Variants in FUT8 observed in about 807,000 individuals in gnomAD.
FUT8 encodes the protein alpha-(1,6)-fucosyltransferase.
Under a neutral mutation model 71.3 loss-of-function variants are expected in FUT8, and 29 were observed. The observed-to-expected ratio is 0.41, with a 90% CI of 0.30 to 0.55. The LOEUF is 0.55. FUT8 is among the 20% of genes least tolerant of loss of function. The probability of loss-of-function intolerance (pLI) is 0.34; values close to 1 mark genes in which losing one functional copy is unlikely to be tolerated. For synonymous variants in FUT8, 254 were observed against 239.3 expected (o/e 1.06, Z -0.57); for missense variants, 544 against 702.1 (o/e 0.77, Z 2.55).
intron 1 of FUT8, among the ~76,000 whole-genome samples, chr14:65,442,310 G>A (rs533524766): frequency 5.9e-5 from 9 of 151,830 alleles, no homozygotes; most frequent in Middle Eastern, 6.8e-3. Flanking sequence ...TGAGTAGCTG[G>A]GATTACAAGC....
At chr14:65,585,162 G>A (rs1262700747) in intron 3 of FUT8, among the ~76,000 whole-genome samples, 1 of 151,896 alleles carries the variant, frequency 6.6e-6, no homozygotes, top group Non-Finnish European at 1.5e-5. Flanking sequence ...CAGAATGATT[G>A]ATTTCTATAT....
intron 3 of FUT8, among the ~76,000 whole-genome samples, chr14:65,587,789 G>C (rs866184528): frequency 2.6e-5 from 4 of 152,288 alleles, no homozygotes; most frequent in South Asian, 4.1e-4. Context: ...CCATGTATTA[G>C]TTGTGTGGTT....
intron 5 of FUT8, 76 bp from the exon 6 acceptor site, chr14:65,629,416 A>C: frequency 1.2e-6 from 1 of 843,982 alleles, no homozygotes; most frequent in East Asian, 2.5e-5. Context: ...GGAATCTGGC[A>C]TTCTTCTTAA....
chr14:65,408,284 C>G (rs146610094), upstream of FUT8, among the ~76,000 whole-genome samples: 2 of 152,178 alleles, frequency 1.3e-5, no homozygotes, highest in Non-Finnish European at 2.9e-5. Flanking sequence ...TAAGGACTTA[C>G]GCTGGCCATG....
chr14:65,698,620 G>A (rs1033852907), intron 7 of FUT8, among the ~76,000 whole-genome samples: 6 of 152,092 alleles, frequency 3.9e-5, no homozygotes, highest in Non-Finnish European at 8.8e-5. Context: ...GTTTTGCATC[G>A]TAAAGTAATA....
intron 2 of FUT8, among the ~76,000 whole-genome samples, chr14:65,524,165 G>C (rs1236697907): frequency 3.3e-5 from 5 of 152,216 alleles, no homozygotes; most frequent in Admixed American, 2.0e-4. Context: ...CCCTTGGGCA[G>C]TATGGCCATT....
rs2066159546 is a variant in FUT8 at position 65,472,299 on chromosome 14, A to G, written c.-228+16581A>G. Among the ~76,000 whole-genome samples the G allele has an allele frequency of 6.6e-6, 1 of 152,108 alleles. No individual in the cohort carries two copies. The highest frequency in any genetic ancestry group is 2.1e-4 in the South Asian group (1 of 4,826). The stretch of plus-strand genomic sequence containing the variant: ...TAACAACCAGCTCTTGGGGGAACAA[A>G]TAGAGTGAGACCTCAAGCATGCCTG... On this transcript the variant is annotated intron_variant, in intron 2 of 10. Transcript: ENST00000673929. This position sits in a 1 kb window ranked among gnomAD's most constrained non-coding sequence, Gnocchi z 4.4.
At chr14:65,731,595 A>G (rs1305093063) in intron 9 of FUT8, among the ~76,000 whole-genome samples, 2 of 152,162 alleles carry the variant, frequency 1.3e-5, no homozygotes, top group Non-Finnish European at 2.9e-5. Flanking sequence ...GGTATCCTTT[A>G]TGAAGCCATA....
intron 3 of FUT8, among the ~76,000 whole-genome samples, chr14:65,562,394 G>A (rs1370112228): frequency 6.6e-6 from 1 of 152,040 alleles, no homozygotes; most frequent in East Asian, 1.9e-4. Context: ...TAAACAACTG[G>A]ATCTGGAATG....
intron 2 of FUT8, chr14:65,488,394 C>A (rs1401413669): frequency 6.6e-6 from 1 of 152,198 alleles, no homozygotes; most frequent in Admixed American, 6.5e-5. Flanking sequence ...CCCAACCTTT[C>A]AAAGACTGCC....
intron 2 of FUT8, among the ~76,000 whole-genome samples, chr14:65,501,398 A>G (rs1261764742): frequency 3.3e-5 from 5 of 152,170 alleles, no homozygotes; most frequent in Non-Finnish European, 5.9e-5. Context: ...TTGGGACCTC[A>G]TAGAATTGGG....
intron 6 of FUT8, among the ~76,000 whole-genome samples, chr14:65,630,974 A>G (rs566325233): frequency 6.6e-6 from 1 of 152,332 alleles, no homozygotes; most frequent in Admixed American, 6.5e-5. Flanking sequence ...TGTATATTTT[A>G]AGGTGCACAT....
At chr14:65,372,544 T>C in the FUT8 span, among the ~76,000 whole-genome samples, 1 of 151,660 alleles carries the variant, frequency 6.6e-6, no homozygotes, top group African/African-American at 2.4e-5. Flanking sequence ...GCCTCCCGAG[T>C]AGCTGGGATT....
chr14:65,673,857 TTA>T (rs1892588653), intron 7 of FUT8, among the ~76,000 whole-genome samples: 1 of 152,202 alleles, frequency 6.6e-6, no homozygotes, highest in Non-Finnish European at 1.5e-5. Flanking sequence ...GACTTTTTTG[TTA>T]TCTCATAACT....
rs1223575773 is a variant in FUT8 at position 65,616,301 on chromosome 14, T to C, written c.410T>C (p.Leu137Ser). 1 of 1,612,526 alleles carries C rather than the reference T, an allele frequency of 6.2e-7. No homozygotes were observed. Among genetic ancestry groups the C allele is most frequent in the Non-Finnish European group, 8.5e-7 (1 of 1,179,314 alleles). ...TTCCTACAGAGTGAATTGAAGAAAT[T>C]AAAGAACTTAGAAGGAAATGAACTC... Reference protein sequence around the residue: ...WFFLQSELKKLKNLEGNELQR... With the variant: ...WFFLQSELKKSKNLEGNELQR... The change falls in exon 5 of 11, where the codon TTA becomes TCA. Residue 137 changes from leucine (L) to serine (S), a missense_variant. Transcript: ENST00000673929.
intron 2 of FUT8, among the ~76,000 whole-genome samples, chr14:65,487,419 C>T (rs2066424181): frequency 6.6e-6 from 1 of 151,856 alleles, no homozygotes; most frequent in Non-Finnish European, 1.5e-5. Context: ...AAAAATTAGC[C>T]AGGTGAGGTG....
chr14:65,693,131 G>C (rs75221510), intron 7 of FUT8, among the ~76,000 whole-genome samples: 2 of 152,286 alleles, frequency 1.3e-5, no homozygotes, highest in East Asian at 3.9e-4. Context: ...CTGCAATCTC[G>C]GCACTTTGGG....
At chr14:65,676,056 C>T (rs1196751983) in intron 7 of FUT8, among the ~76,000 whole-genome samples, 1 of 152,062 alleles carries the variant, frequency 6.6e-6, no homozygotes, top group Non-Finnish European at 1.5e-5. Flanking sequence ...CCCAGATCCC[C>T]ATCCAAATTT....
chr14:65,591,970 A>C (rs1887714048), intron 3 of FUT8, among the ~76,000 whole-genome samples: 1 of 152,000 alleles, frequency 6.6e-6, no homozygotes, highest in African/African-American at 2.4e-5. Flanking sequence ...AAAACATGTA[A>C]ACTCTATTGC....
Sources: allele counts gnomAD v4.1 joint callset (sites outside exome capture counted in the v4.1 genomes callset), GRCh38; gene constraint gnomAD v4.1.1; non-coding constraint Gnocchi (gnomAD v3.1); transcripts MANE v1.5; gene names NCBI Gene and HGNC (gene_info 2026-07-23, HGNC 2026-07-21).